B3GALT1: variants seen among roughly 807,000 people sequenced by gnomAD.
B3GALT1 encodes the protein UDP-Gal:betaGlcNAc beta 1,3-galactosyltransferase, polypeptide 1.
B3GALT1 carries 10 observed loss-of-function variants against 23.2 expected under a neutral mutation model. That is an observed-to-expected ratio of 0.43 (90% CI 0.27 to 0.73). B3GALT1 has a LOEUF of 0.73. Among genes scored for constraint, B3GALT1 ranks in the 30% least tolerant of loss-of-function variants. The pLI, the probability that B3GALT1 is intolerant of heterozygous loss-of-function variation, is 0.21. For synonymous variants in B3GALT1, 156 were observed against 141.5 expected (o/e 1.10, Z -0.73); for missense variants, 299 against 405.4 (o/e 0.74, Z 2.25).
chr2:167,336,933 A>G (rs1318127262), intron 1 of B3GALT1, among the ~76,000 whole-genome samples: 1 of 152,220 alleles, frequency 6.6e-6, no homozygotes, highest in Non-Finnish European at 1.5e-5. Context: ...TTACCTGGAA[A>G]TCTCTACCTC....
intron 1 of B3GALT1, among the ~76,000 whole-genome samples, chr2:167,346,173 G>C (rs1204774933): frequency 6.6e-6 from 1 of 151,584 alleles, no homozygotes; most frequent in East Asian, 1.9e-4. Flanking sequence ...GATTTGGAGG[G>C]GAAAAAAGTA....
At chr2:167,329,892 CTG>C (rs1696947475) in intron 1 of B3GALT1, among the ~76,000 whole-genome samples, 1 of 151,754 alleles carries the variant, frequency 6.6e-6, no homozygotes, top group Non-Finnish European at 1.5e-5. Context: ...GAGAAATCTG[CTG>C]TTAGTCTGAT....
chr2:167,575,958 A>ATATT (rs201547334), intron 2 of B3GALT1, among the ~76,000 whole-genome samples: 1,522 of 151,956 alleles, frequency 0.01, 19 homozygotes, highest in African/African-American at 0.035. Flanking sequence ...TGCCTCTTCA[A>ATATT]CAATATATTA....
At chr2:167,710,146 A>C (rs1245719738) in intron 3 of B3GALT1, among the ~76,000 whole-genome samples, 1 of 152,206 alleles carries the variant, frequency 6.6e-6, no homozygotes, top group Non-Finnish European at 1.5e-5. Flanking sequence ...TTAAATGTTC[A>C]AGCAAAACTA....
chr2:167,450,041 G>C (rs974751762), intron 1 of B3GALT1, among the ~76,000 whole-genome samples: 1 of 152,110 alleles, frequency 6.6e-6, no homozygotes, highest in Non-Finnish European at 1.5e-5. Flanking sequence ...AGCGATGTTG[G>C]TGTGTAGTTT....
chr2:167,672,322 A>G (rs895793493), intron 3 of B3GALT1, among the ~76,000 whole-genome samples: 2 of 152,280 alleles, frequency 1.3e-5, no homozygotes, highest in Non-Finnish European at 2.9e-5. Context: ...TTCTCAATTT[A>G]CTAAAAACAT....
At chr2:167,295,231 A>T (rs887763717) in intron 1 of B3GALT1, among the ~76,000 whole-genome samples, 5 of 152,148 alleles carry the variant, frequency 3.3e-5, no homozygotes, top group Non-Finnish European at 5.9e-5. Flanking sequence ...GACTAGTAAA[A>T]AATTGGTGCT....
chr2:167,423,781 A>G (rs371832875), intron 1 of B3GALT1, among the ~76,000 whole-genome samples: 1 of 152,020 alleles, frequency 6.6e-6, no homozygotes, highest in African/African-American at 2.4e-5. Context: ...CTGTTTCCAC[A>G]TTTTCATATT....
chr2:167,395,864 T>G (rs1306216755), intron 1 of B3GALT1, among the ~76,000 whole-genome samples: 1 of 152,110 alleles, frequency 6.6e-6, no homozygotes, highest in Admixed American at 6.6e-5. Context: ...GAGGAATGTT[T>G]ATTACATACA....
intron 3 of B3GALT1, among the ~76,000 whole-genome samples, chr2:167,766,589 T>C (rs1255191664): frequency 1.3e-5 from 2 of 152,184 alleles, no homozygotes; most frequent in African/African-American, 4.8e-5. Flanking sequence ...AAAAAAGGAA[T>C]GCTCTTTATA....
At chr2:167,515,087 G>A (rs1700080452) in intron 2 of B3GALT1, among the ~76,000 whole-genome samples, 1 of 151,962 alleles carries the variant, frequency 6.6e-6, no homozygotes, top group Admixed American at 6.6e-5. Flanking sequence ...TTTAATTATT[G>A]TCATTCATGC....
chr2:167,560,485 G>T (rs1365006582), intron 2 of B3GALT1, among the ~76,000 whole-genome samples: 4 of 152,058 alleles, frequency 2.6e-5, no homozygotes, highest in African/African-American at 4.8e-5. Context: ...TGGACTAAAT[G>T]CTCCAATTAA....
chr2:167,809,371 A>C lies in B3GALT1; in HGVS notation c.-351-9301A>C, dbSNP rs548267471. Among the ~76,000 whole-genome samples, 531 of 152,136 alleles carry C rather than the reference A, an allele frequency of 3.5e-3. 4 individuals are homozygous for C. The highest frequency in any genetic ancestry group is 6.2e-3 in the South Asian group (30 of 4,816). On this transcript the variant is annotated intron_variant, in intron 3 of 4. Coordinates refer to ENST00000392690, the MANE Select transcript of B3GALT1 (RefSeq NM_020981.4). ...GGAGGAGGGGCACTCTGATTTTTAG[A>C]GTTTCCAGTTTTTCTGCTCTGTTTT...
intron 3 of B3GALT1, among the ~76,000 whole-genome samples, chr2:167,696,137 C>G (rs949950632): frequency 1.3e-5 from 2 of 152,030 alleles, no homozygotes; most frequent in African/African-American, 4.8e-5. Context: ...CCCTGTCACA[C>G]TTTTAAACAT....
intron 2 of B3GALT1, among the ~76,000 whole-genome samples, chr2:167,528,504 C>T (rs1442791010): frequency 6.6e-6 from 1 of 152,128 alleles, no homozygotes; most frequent in Non-Finnish European, 1.5e-5. Context: ...TTCACTTCTT[C>T]AGGGAGACAA....
chr2:167,354,347 CTTTTT>C (rs373088288), intron 1 of B3GALT1, among the ~76,000 whole-genome samples: 2 of 115,050 alleles, frequency 1.7e-5, no homozygotes, highest in Non-Finnish European at 1.9e-5. Flanking sequence ...GGTAAATCTT[CTTTTT>C]TTTTTTTTTT....
At chr2:167,533,445 G>A (rs772507089) in intron 2 of B3GALT1, among the ~76,000 whole-genome samples, 2 of 151,856 alleles carry the variant, frequency 1.3e-5, no homozygotes, top group Non-Finnish European at 2.9e-5. Context: ...TTTTGGTATT[G>A]TATTTTAGAT....
chr2:167,439,564 A>G (rs1698844699), intron 1 of B3GALT1, among the ~76,000 whole-genome samples: 1 of 151,558 alleles, frequency 6.6e-6, no homozygotes, highest in Non-Finnish European at 1.5e-5. Flanking sequence ...TTATTTTATT[A>G]TTATTATACT....
At chr2:167,822,692 A>C (rs1689133431) in intron 4 of B3GALT1, among the ~76,000 whole-genome samples, 1 of 152,114 alleles carries the variant, frequency 6.6e-6, no homozygotes. Flanking sequence ...TTTTCATCTC[A>C]GTTATGCCTG....
Sources: allele counts gnomAD v4.1 joint callset (sites outside exome capture counted in the v4.1 genomes callset), GRCh38; gene constraint gnomAD v4.1.1; transcripts MANE v1.5; gene names NCBI Gene and HGNC (gene_info 2026-07-23, HGNC 2026-07-21).